The following PDZD8 variants were observed in gnomAD, a reference collection of about 807,000 sequenced individuals.
PDZD8 encodes PDZ domain-containing protein 8.
In PDZD8, 14 loss-of-function variants were observed where a neutral mutation model predicts 85.8. The observed-to-expected ratio is 0.16, with a 90% CI of 0.11 to 0.26. The LOEUF (loss-of-function observed/expected upper bound fraction) is 0.26, where lower values mean the gene tolerates loss of function less well. Ranked by LOEUF, PDZD8 falls within the 10% of genes least tolerant of loss-of-function variation. The pLI is 1.00. For missense variants in PDZD8, 1,197 were observed against 1,424.3 expected, an observed-to-expected ratio of 0.84 and a Z score of 2.57; for synonymous variants, 592 against 568.6, an observed-to-expected ratio of 1.04 and a Z score of -0.59.
chr10:117,344,666 C>T (rs1020632916), intron 1 of PDZD8, among the ~76,000 whole-genome samples: 3 of 152,164 alleles, frequency 2.0e-5, no homozygotes, highest in South Asian at 2.1e-4. Flanking sequence ...GGATTACAGG[C>T]GTGAGCCACC....
chr10:117,285,071 C>T lies in PDZD8; in HGVS notation c.1662G>A (p.Pro554=), dbSNP rs551948304. ...TATTTCCATCTTTGGACTGAATTTT[C>T]GGTGGTAGTGGGTGACTTCCTACAG... The part of the protein sequence containing the change: ...KLAVGSHPLP[P]KIQSKDGNKP... The change falls in exon 5 of 5, where the codon CCG becomes CCA. Residue 554 remains proline, a synonymous_variant. Transcript: ENST00000334464. 35 of 1,613,748 alleles carry T rather than the reference C, an allele frequency of 2.2e-5. No individual in the cohort carries two copies. Among genetic ancestry groups the T allele is most frequent in the Admixed American group, 2.2e-4 (13 of 59,968 alleles).
chr10:117,307,725 TTAAACTC>T (rs1843967690), intron 3 of PDZD8, among the ~76,000 whole-genome samples: 1 of 152,056 alleles, frequency 6.6e-6, no homozygotes, highest in Non-Finnish European at 1.5e-5. Flanking sequence ...CAAATCGACT[TTAAACTC>T]TACTCATGTT....
intron 2 of PDZD8, among the ~76,000 whole-genome samples, chr10:117,334,662 T>C (rs1844486094): frequency 1.3e-5 from 2 of 151,608 alleles, no homozygotes; most frequent in African/African-American, 4.8e-5. Context: ...AGTGAACAGA[T>C]AGGAAATATC....
rs758357285 is a variant in PDZD8, at chr10:117,278,629, C to G, written c.*4639G>C. ...ATCATAAACAAAAATTACTTAGTTT[C>G]GTTAAGCTAAGATTGTGTTTGTGTT... is the stretch of plus-strand genomic sequence containing the variant. On this transcript the variant is annotated 3_prime_UTR_variant, in exon 5 of 5. Coordinates refer to ENST00000334464, the MANE Select transcript of PDZD8 (RefSeq NM_173791.5). 3 of 151,776 alleles carry G rather than the reference C, an allele frequency of 2.0e-5. No homozygotes were observed. The highest frequency in any genetic ancestry group is 4.4e-5 in the Non-Finnish European group (3 of 68,016). The allele number at this position is 151,776 out of a possible 1,614,324, so 9.4% of individuals were successfully genotyped here.
At chr10:117,303,190 T>A (rs1843876935) in intron 3 of PDZD8, among the ~76,000 whole-genome samples, 1 of 152,182 alleles carries the variant, frequency 6.6e-6, no homozygotes, top group Admixed American at 6.5e-5. Context: ...GACAGCGACA[T>A]GGACAATAAG....
At chr10:117,367,662 G>A (rs1023698603) in intron 1 of PDZD8, among the ~76,000 whole-genome samples, 1 of 151,970 alleles carries the variant, frequency 6.6e-6, no homozygotes, top group Non-Finnish European at 1.5e-5. Flanking sequence ...AAGCTAATGT[G>A]GTGGCTCATG....
intron 2 of PDZD8, among the ~76,000 whole-genome samples, chr10:117,330,351 C>G (rs1366256040): frequency 6.6e-6 from 1 of 152,188 alleles, no homozygotes; most frequent in African/African-American, 2.4e-5. Context: ...CTAACCATGC[C>G]TTACTACTTA....
At chr10:117,371,373 C>T (rs568446509) in intron 1 of PDZD8, among the ~76,000 whole-genome samples, 2 of 152,002 alleles carry the variant, frequency 1.3e-5, no homozygotes, top group Admixed American at 6.6e-5. Context: ...TTACTAGAGA[C>T]GGGGTTTCAT....
In PDZD8 at chr10:117,285,631, T is replaced by A. The variant is rs1844649299; in HGVS notation, c.1262-160A>T. On this transcript the variant is annotated intron_variant, in intron 4 of 4. Transcript: ENST00000334464. Reference sequence around the variant, plus strand: ...AATCTCAACAATATTTTATTTGGCTTTTGGATGAATCAGTGTGCTAATTCT... The same window carrying A: ...AATCTCAACAATATTTTATTTGGCTATTGGATGAATCAGTGTGCTAATTCT... 7 of 1,179,618 alleles carry A rather than the reference T, an allele frequency of 5.9e-6. No individual in the cohort carries two copies. The East Asian group carries it at 2.0e-4, about 34-fold the overall frequency. The allele number at this position is 1,179,618 out of a possible 1,614,324, so 73.1% of individuals were successfully genotyped here. A position where few individuals can be genotyped will look rare whatever the true frequency, so the allele number is the denominator to read the frequency against.
chr10:117,350,485 C>T (rs866427002), intron 1 of PDZD8, among the ~76,000 whole-genome samples: 25 of 151,200 alleles, frequency 1.7e-4, no homozygotes, highest in Non-Finnish European at 2.4e-4. Context: ...AGGCTGGTCT[C>T]GAACTCCTGA....
At chr10:117,319,097 A>C in intron 2 of PDZD8, 123 bp from the exon 3 acceptor site, 1 of 640,938 alleles carries the variant, frequency 1.6e-6, no homozygotes, top group Non-Finnish European at 2.6e-6. Context: ...TTAGTAACAG[A>C]AAAAAAAATT....
At chr10:117,364,771 G>T (rs748258666) in intron 1 of PDZD8, among the ~76,000 whole-genome samples, 5 of 152,064 alleles carry the variant, frequency 3.3e-5, no homozygotes, top group African/African-American at 1.2e-4. Context: ...ATGGCTGAGA[G>T]TAGAGAAAAG....
At chr10:117,311,045 C>T (rs1338923079) in intron 3 of PDZD8, among the ~76,000 whole-genome samples, 1 of 152,126 alleles carries the variant, frequency 6.6e-6, no homozygotes, top group Non-Finnish European at 1.5e-5. Context: ...AGCAAGACTT[C>T]TAAAACTCTC....
chr10:117,345,067 C>A (rs985909876), intron 1 of PDZD8, among the ~76,000 whole-genome samples: 3 of 152,182 alleles, frequency 2.0e-5, no homozygotes, highest in African/African-American at 7.2e-5. Context: ...GTAGTCTTCA[C>A]CCCTAGCTCC....
intron 3 of PDZD8, among the ~76,000 whole-genome samples, chr10:117,295,768 A>C (rs1843745657): frequency 6.6e-6 from 1 of 152,186 alleles, no homozygotes; most frequent in Admixed American, 6.5e-5. Context: ...TCAATACTGC[A>C]AAAAAATTAA....
intron 2 of PDZD8, among the ~76,000 whole-genome samples, chr10:117,338,485 C>T (rs980095133): frequency 6.6e-6 from 1 of 152,104 alleles, no homozygotes; most frequent in African/African-American, 2.4e-5. Flanking sequence ...TAATTATGTA[C>T]TCTCTAAAAA....
intron 1 of PDZD8, among the ~76,000 whole-genome samples, chr10:117,368,238 T>C (rs544087623): frequency 8.5e-4 from 129 of 152,310 alleles, no homozygotes; most frequent in African/African-American, 3.0e-3. Context: ...AAGACAATGA[T>C]CTTGCAATTC....
Position 117,290,213 on chromosome 10 carries a change from G to A in PDZD8, c.1234C>T (p.Arg412Trp). The change falls in exon 4 of 5, where the codon CGG becomes TGG. Residue 412 changes from arginine (R) to tryptophan (W), a missense_variant. By Grantham distance (101) the Arg-to-Trp change is moderately radical. This residue lies in a region of PDZD8 where 344 missense variants were observed against 453.6 expected (regional missense o/e 0.76). Transcript: ENST00000334464. ...CCAATGGCGATAAGTCGATCTCCCC[G>A]CTGAAGATCTGCAATTGCAGCAGGC... is the stretch of plus-strand genomic sequence containing the variant. The part of the protein sequence containing the change: ...NSPAAIADLQ[R>W]GDRLIAIGGV... The A allele has an allele frequency of 1.2e-6, 2 of 1,613,876 alleles. No homozygotes were observed. Among genetic ancestry groups the A allele is most frequent in the Non-Finnish European group, 1.7e-6 (2 of 1,179,914 alleles).
intron 1 of PDZD8, among the ~76,000 whole-genome samples, chr10:117,345,976 C>G (rs1218195872): frequency 6.6e-6 from 1 of 152,080 alleles, no homozygotes; most frequent in Non-Finnish European, 1.5e-5. Context: ...CGCGGTGGCT[C>G]AAGCCTGTAA....
Sources: allele counts gnomAD v4.1 joint callset (sites outside exome capture counted in the v4.1 genomes callset), GRCh38; gene constraint gnomAD v4.1.1; regional missense constraint gnomAD v4.1.1; transcripts MANE v1.5; gene names NCBI Gene and HGNC (gene_info 2026-07-23, HGNC 2026-07-21).